ZNF536: variants seen among roughly 807,000 people sequenced by gnomAD.
The protein encoded by ZNF536 is zinc finger protein 536.
Under a neutral mutation model 84.5 loss-of-function variants are expected in ZNF536, and 13 were observed. The ratio of observed to expected loss-of-function variants is 0.15; its 90% CI spans 0.10 to 0.24. ZNF536 has a LOEUF of 0.24. ZNF536 is among the 10% of genes least tolerant of loss of function. ZNF536 has a pLI of 1.00. For synonymous variants in ZNF536, 811 were observed against 742.5 expected (o/e 1.09, Z -1.50); for missense variants, 1,536 against 1,747.5 (o/e 0.88, Z 2.16).
chr19:30,509,780 T>C (rs1456572874), intron 2 of ZNF536, among the ~76,000 whole-genome samples: 1 of 152,220 alleles, frequency 6.6e-6, no homozygotes, highest in Non-Finnish European at 1.5e-5. Context: ...CTTCTAGACT[T>C]GTTCACCCTA....
intron 1 of ZNF536, among the ~76,000 whole-genome samples, chr19:30,634,967 C>G (rs1278632666): frequency 2.0e-5 from 3 of 152,170 alleles, no homozygotes; most frequent in South Asian, 2.1e-4. Context: ...TCCATTTGTT[C>G]TGCTTTTCTA....
chr19:30,407,547 G>A (rs558328508), intron 1 of ZNF536, among the ~76,000 whole-genome samples: 4 of 152,300 alleles, frequency 2.6e-5, no homozygotes, highest in Admixed American at 2.0e-4. Flanking sequence ...ACAAGCCGGG[G>A]CCTCACGAAC....
At chr19:30,679,982 A>C (rs1410708496) in intron 1 of ZNF536, among the ~76,000 whole-genome samples, 1 of 151,812 alleles carries the variant, frequency 6.6e-6, no homozygotes, top group African/African-American at 2.4e-5. Context: ...CTCTGTCTCC[A>C]CTGTACGCCC....
chr19:30,492,637 T>G (rs969108344), intron 2 of ZNF536, among the ~76,000 whole-genome samples: 3 of 152,238 alleles, frequency 2.0e-5, no homozygotes, highest in Non-Finnish European at 4.4e-5. Flanking sequence ...TACATTGTTT[T>G]CTTTTGACAA....
intron 2 of ZNF536, among the ~76,000 whole-genome samples, chr19:30,351,347 C>T (rs972266867): frequency 1.3e-5 from 2 of 152,142 alleles, no homozygotes; most frequent in South Asian, 2.1e-4. Flanking sequence ...TCAAAGAATG[C>T]ACTTTTTGGA....
downstream of ZNF536, among the ~76,000 whole-genome samples, chr19:30,561,067 A>C (rs1264609076): frequency 6.6e-6 from 1 of 152,184 alleles, no homozygotes; most frequent in South Asian, 2.1e-4. Context: ...TCTAATGGTA[A>C]CTCACTGCTC....
At chr19:30,428,119 A>G (rs1244683784) in intron 1 of ZNF536, among the ~76,000 whole-genome samples, 1 of 151,988 alleles carries the variant, frequency 6.6e-6, no homozygotes, top group Non-Finnish European at 1.5e-5. Context: ...AAAGTTATTA[A>G]CTCCTTGCCT....
At chr19:30,613,769 T>A (rs1252375426) in intron 1 of ZNF536, among the ~76,000 whole-genome samples, 1 of 152,240 alleles carries the variant, frequency 6.6e-6, no homozygotes, top group Non-Finnish European at 1.5e-5. Context: ...TGAGTATATT[T>A]TAATACATTT....
chr19:30,319,079 C>T (rs1419852050), intron 2 of ZNF536, among the ~76,000 whole-genome samples: 2 of 152,278 alleles, frequency 1.3e-5, no homozygotes, highest in East Asian at 3.9e-4. Flanking sequence ...TGTCTGAGAG[C>T]GTTTTCCAGA....
At chr19:30,384,026 A>G (rs1160733498) in intron 1 of ZNF536, among the ~76,000 whole-genome samples, 1 of 125,526 alleles carries the variant, frequency 8.0e-6, no homozygotes, top group East Asian at 2.5e-4. Context: ...CACCACCTGC[A>G]TGCCTGTGGC....
rs145743861 is a variant in ZNF536 at position 30,705,921 on chromosome 19, G to A, written c.170-4836G>A. ...TACATTTGGCTATTACCAAGAAACA[G>A]AGATTCAAAATATAACCATAGGATA... On this transcript the variant is annotated intron_variant, in intron 1 of 1. Coordinates refer to the ZNF536 transcript ENST00000592773. Among the ~76,000 whole-genome samples the A allele has an allele frequency of 2.0e-5, 3 of 152,222 alleles. No individual in the cohort carries two copies. The East Asian group carries it at 5.8e-4, about 29-fold the overall frequency.
chr19:30,366,408 C>T (rs538946927), intron 3 of ZNF536, among the ~76,000 whole-genome samples: 1 of 142,060 alleles, frequency 7.0e-6, no homozygotes, highest in African/African-American at 2.6e-5. Context: ...ATATCTATCT[C>T]CTTCCTTCCT....
At chr19:30,543,401 C>A (rs11667057) in intron 3 of ZNF536, among the ~76,000 whole-genome samples, 15,333 of 152,304 alleles carry the variant, frequency 0.1, 1,071 homozygotes, top group Non-Finnish European at 0.15. Flanking sequence ...CTCAACTAGA[C>A]AGAGCTGCTG....
At chr19:30,687,420 G>A (rs2051234348) in intron 1 of ZNF536, among the ~76,000 whole-genome samples, 1 of 152,240 alleles carries the variant, frequency 6.6e-6, no homozygotes, top group Non-Finnish European at 1.5e-5. Flanking sequence ...TGCTGCCCAC[G>A]TCCGACACAG....
intron 1 of ZNF536, among the ~76,000 whole-genome samples, chr19:30,685,504 A>G (rs1462526928): frequency 1.3e-5 from 2 of 152,152 alleles, no homozygotes; most frequent in African/African-American, 4.8e-5. Context: ...AACAGGGCCC[A>G]TGGAACCCAG....
At chr19:30,526,993 G>A (rs935761668) in intron 2 of ZNF536, among the ~76,000 whole-genome samples, 54 of 151,664 alleles carry the variant, frequency 3.6e-4, no homozygotes, top group Middle Eastern at 3.4e-3. Flanking sequence ...AACTCGGCTC[G>A]CTGCAGCCTC....
Position 30,430,174 on chromosome 19 carries a change from G to A in ZNF536, c.-2-13387G>A, listed in dbSNP as rs144539972. On this transcript the variant is annotated intron_variant, in intron 1 of 4. Coordinates refer to ENST00000355537, the MANE Select transcript of ZNF536 (RefSeq NM_014717.3). ...TGTGCCTCCATGAGTAGAGGGCAGG[G>A]CTGGTCATGTTGTCTGAGTCTTCCT... Among the ~76,000 whole-genome samples the A allele has an allele frequency of 7.9e-5, 12 of 152,288 alleles. No individual in the cohort carries two copies. The East Asian group carries it at 2.3e-3, about 29-fold the overall frequency.
chr19:30,581,365 T>C (rs1328190494), intron 1 of ZNF536, among the ~76,000 whole-genome samples: 1 of 151,954 alleles, frequency 6.6e-6, no homozygotes, highest in East Asian at 2.0e-4. Context: ...TAGTCCCAGC[T>C]ACTCAGGTGG....
chr19:30,603,368 C>T (rs2047760702), intron 1 of ZNF536, among the ~76,000 whole-genome samples: 1 of 152,110 alleles, frequency 6.6e-6, no homozygotes, highest in African/African-American at 2.4e-5. Context: ...CTTCTGGTAC[C>T]TGGCTTATAT....
Sources: allele counts gnomAD v4.1 joint callset (sites outside exome capture counted in the v4.1 genomes callset), GRCh38; gene constraint gnomAD v4.1.1; transcripts MANE v1.5; gene names NCBI Gene and HGNC (gene_info 2026-07-23, HGNC 2026-07-21).